CTTNBP2: variants seen among roughly 807,000 people sequenced by gnomAD.
CTTNBP2 encodes the protein cortactin-binding protein 2.
CTTNBP2 carries 108 observed loss-of-function variants against 156.9 expected under a neutral mutation model. That is an observed-to-expected ratio of 0.69 (90% CI 0.59 to 0.81). CTTNBP2 has a LOEUF of 0.81. CTTNBP2 is among the 30% of genes least tolerant of loss of function. CTTNBP2 has a pLI of 0.00. For missense variants in CTTNBP2, 1,924 were observed against 2,035.4 expected, an observed-to-expected ratio of 0.95 and a Z score of 1.05; for synonymous variants, 767 against 751.8, an observed-to-expected ratio of 1.02 and a Z score of -0.33.
intron 1 of CTTNBP2, among the ~76,000 whole-genome samples, chr7:117,868,453 G>A (rs892651156): frequency 2.6e-5 from 4 of 152,108 alleles, no homozygotes; most frequent in Admixed American, 6.6e-5. Flanking sequence ...GATCCCCAAT[G>A]TATTAGTTGG....
At chr7:117,728,404 G>T in intron 16 of CTTNBP2, 137 bp from the exon 17 acceptor site, 1 of 653,684 alleles carries the variant, frequency 1.5e-6, no homozygotes, top group Non-Finnish European at 2.6e-6. Context: ...TGGGATGGCT[G>T]AAGGAGGGAT....
At chr7:117,850,344 C>CA (rs1291883970) in intron 2 of CTTNBP2, among the ~76,000 whole-genome samples, 1 of 152,214 alleles carries the variant, frequency 6.6e-6, no homozygotes, top group East Asian at 1.9e-4. Flanking sequence ...GCCTGGTTGA[C>CA]AGAGACCCCT....
chr7:117,856,834 T>C (rs955947003), intron 2 of CTTNBP2, among the ~76,000 whole-genome samples: 2 of 152,232 alleles, frequency 1.3e-5, no homozygotes, highest in African/African-American at 4.8e-5. Context: ...TAATTTTGAC[T>C]TTTAAAATTT....
intron 8 of CTTNBP2, among the ~76,000 whole-genome samples, chr7:117,769,874 C>T (rs764992801): frequency 6.6e-6 from 1 of 152,188 alleles, no homozygotes; most frequent in Non-Finnish European, 1.5e-5. Context: ...GGATTCTAAT[C>T]CTGCCATCCA....
At chr7:117,794,877 CTTT>C (rs755340586) in intron 3 of CTTNBP2, among the ~76,000 whole-genome samples, 41 of 88,306 alleles carry the variant, frequency 4.6e-4, no homozygotes, top group African/African-American at 1.8e-3. Context: ...ATATGTATAT[CTTT>C]TTTTTTTTTT....
At chr7:117,736,448 A>C (rs2116496913) in intron 14 of CTTNBP2, among the ~76,000 whole-genome samples, 1 of 152,290 alleles carries the variant, frequency 6.6e-6, no homozygotes, top group South Asian at 2.1e-4. Context: ...TAGAAAAAAA[A>C]AAAATGTAGA....
rs745989457 is a variant in CTTNBP2 at position 117,711,636 on chromosome 7, G to A, written c.4893C>T (p.Ser1631=). ...CTATTTGCCTTGTATTACTGCTGCT[G>A]CTGCTTCTTTTGGTGTTCTGGGAAC... ...TQCSQNTKRS[S]SSSNTRQIEI... Residue 1631 remains serine, a synonymous_variant, in exon 23 of 23, where the codon AGC becomes AGT. Transcript: ENST00000160373. 1 of 1,614,006 alleles carries A rather than the reference G, an allele frequency of 6.2e-7. No homozygotes were observed. Among genetic ancestry groups the A allele is most frequent in the Admixed American group, 1.7e-5 (1 of 59,996 alleles).
At position 117,794,656 on chromosome 7, in the gene CTTNBP2, T is replaced by TA. The variant is rs1799213749; in HGVS notation, c.415-1876dup. ...TTGCTATACAACTAATGGTGAGAGA[T>TA]AGTGTTTCTTTACTCTGGGATGCTT... On this transcript the variant is annotated intron_variant, in intron 3 of 22. Coordinates refer to ENST00000160373, the MANE Select transcript of CTTNBP2 (RefSeq NM_033427.3). Among the ~76,000 whole-genome samples the TA allele has an allele frequency of 6.6e-5, 10 of 152,314 alleles. No individual in the cohort carries two copies. In the South Asian group the frequency reaches 2.1e-3, roughly 32 times the overall value.
At chr7:117,719,760 G>T (rs777218215) in intron 20 of CTTNBP2, 124 bp from the exon 21 acceptor site, 11 of 665,050 alleles carry the variant, frequency 1.7e-5, no homozygotes, top group Non-Finnish European at 2.4e-5. Flanking sequence ...AGCCTTTAAA[G>T]TATTTCATAA....
In CTTNBP2 at chr7:117,717,387, ACT is replaced by A. The variant is rs538401267; in HGVS notation, c.4746+629_4746+630del. On this transcript the variant is annotated intron_variant, in intron 22 of 22. Coordinates refer to ENST00000160373, the MANE Select transcript of CTTNBP2 (RefSeq NM_033427.3). ...TCAGTGCTTTGTTTTGTTATAATTA[ACT>A]CTAATTTTCTAAAATGCAGGAAACC... Among the ~76,000 whole-genome samples the A allele has an allele frequency of 7.5e-4, 113 of 151,554 alleles. 1 individual carries two copies. Among genetic ancestry groups the A allele is most frequent in the African/African-American group, 2.5e-3 (102 of 41,434 alleles).
intron 10 of CTTNBP2, 154 bp from the exon 11 acceptor site, chr7:117,758,124 G>T (rs938959990): frequency 1.8e-6 from 1 of 571,092 alleles, no homozygotes; most frequent in Non-Finnish European, 3.1e-6. Flanking sequence ...CCACACAAGG[G>T]GTTAGCTCCC....
chr7:117,819,623 T>G (rs966539924), intron 2 of CTTNBP2, among the ~76,000 whole-genome samples: 3 of 152,122 alleles, frequency 2.0e-5, no homozygotes, highest in African/African-American at 7.2e-5. Context: ...ACACTGCATC[T>G]GTGTGTGAAG....
At chr7:117,762,113 T>C (rs1451276751) in intron 9 of CTTNBP2, among the ~76,000 whole-genome samples, 1 of 152,178 alleles carries the variant, frequency 6.6e-6, no homozygotes, top group Non-Finnish European at 1.5e-5. Context: ...TTCTTAATGA[T>C]AGTGTGTTTT....
intron 2 of CTTNBP2, among the ~76,000 whole-genome samples, chr7:117,831,203 T>C (rs11770925): frequency 1.1e-4 from 17 of 152,330 alleles, no homozygotes; most frequent in Non-Finnish European, 2.1e-4. Flanking sequence ...GAGCTCACTA[T>C]TTCTTAATAT....
Position 117,777,671 on chromosome 7 carries a change from G to T in CTTNBP2, c.2618C>A (p.Ser873Tyr). The change falls in exon 8 of 23, where the codon TCT becomes TAT. Residue 873 changes from serine (S) to tyrosine (Y), a missense_variant. Ser to Tyr is a moderately radical substitution (Grantham distance 144). Coordinates refer to ENST00000160373, the MANE Select transcript of CTTNBP2 (RefSeq NM_033427.3). Reference protein sequence around the residue: ...MYHRIPAHGNSFNEEESESSV... With the variant: ...MYHRIPAHGNYFNEEESESSV... ...TGACTCGGACTCCTCCTCATTGAAA[G>T]AATTTCCATGAGCTGGTATTCTATG... 1 of 1,613,954 alleles carries T rather than the reference G, an allele frequency of 6.2e-7. No homozygotes were observed. Among genetic ancestry groups the T allele is most frequent in the Middle Eastern group, 1.7e-4 (1 of 6,060 alleles).
chr7:117,852,265 T>A, intron 2 of CTTNBP2, among the ~76,000 whole-genome samples: 1 of 151,532 alleles, frequency 6.6e-6, no homozygotes, highest in African/African-American at 2.4e-5. Context: ...AGGACTGAAT[T>A]TACTACCTGC....
Position 117,773,500 on chromosome 7 carries a change from T to C in CTTNBP2, c.2778+4011A>G, listed in dbSNP as rs574564239. On this transcript the variant is annotated intron_variant, in intron 8 of 22. Transcript: ENST00000160373. ...ACCTCCAGGATGCTGGAGATGAATG[T>C]CTGGAGGACAAGTAAAAAGGCAAAT... Among the ~76,000 whole-genome samples, 40 of 152,182 alleles carry C rather than the reference T, an allele frequency of 2.6e-4. 1 individual carries two copies. In the South Asian group the frequency reaches 7.7e-3, roughly 29 times the overall value.
intron 2 of CTTNBP2, among the ~76,000 whole-genome samples, chr7:117,828,436 G>A (rs1201772077): frequency 6.6e-6 from 1 of 152,208 alleles, no homozygotes; most frequent in Admixed American, 6.5e-5. Context: ...AAGGTGAAGG[G>A]AAGAGCTGGT....
intron 2 of CTTNBP2, among the ~76,000 whole-genome samples, chr7:117,852,897 T>C (rs1253359601): frequency 1.3e-5 from 2 of 152,112 alleles, no homozygotes; most frequent in Admixed American, 1.3e-4. Context: ...AATGTTGCCT[T>C]TGGGGGAGAG....
Sources: gnomAD v4.1 joint callset for allele counts (sites outside exome capture counted in the v4.1 genomes callset) on GRCh38, gnomAD v4.1.1 for gene constraint, MANE v1.5 for transcripts, NCBI Gene and HGNC (gene_info 2026-07-23, HGNC 2026-07-21) for gene names.